ZFPM2: variants seen among roughly 807,000 people sequenced by gnomAD.
The protein encoded by ZFPM2 is zinc finger protein, FOG family member 2.
In ZFPM2, 20 loss-of-function variants were observed where a neutral mutation model predicts 98.6. That is an observed-to-expected ratio of 0.20 (90% CI 0.14 to 0.29). The LOEUF (loss-of-function observed/expected upper bound fraction) is 0.29. Ranked by LOEUF, ZFPM2 falls within the 10% of genes least tolerant of loss-of-function variation. The pLI, the probability that ZFPM2 is intolerant of heterozygous loss-of-function variation, is 1.00. For missense variants in ZFPM2, 1,310 were observed against 1,388.6 expected, an observed-to-expected ratio of 0.94 and a Z score of 0.90; for synonymous variants, 518 against 502.7, an observed-to-expected ratio of 1.03 and a Z score of -0.41.
At chr8:105,637,317 C>T (rs1417884056) in intron 5 of ZFPM2, among the ~76,000 whole-genome samples, 1 of 151,984 alleles carries the variant, frequency 6.6e-6, no homozygotes, top group Non-Finnish European at 1.5e-5. Context: ...CCCTAGAAAT[C>T]ACAAAATATA....
At chr8:105,755,915 G>GCTAT (rs1188955286) in intron 5 of ZFPM2, among the ~76,000 whole-genome samples, 3 of 152,098 alleles carry the variant, frequency 2.0e-5, no homozygotes, top group African/African-American at 7.2e-5. Context: ...ACATGATATG[G>GCTAT]CTATCTGTCT....
chr8:105,776,147 G>C (rs1368500126), intron 5 of ZFPM2, among the ~76,000 whole-genome samples: 1 of 152,040 alleles, frequency 6.6e-6, no homozygotes, highest in South Asian at 2.1e-4. Context: ...CTCTAGCGGG[G>C]ATCTGTTACA....
At chr8:105,701,529 T>A (rs1260627223) in intron 5 of ZFPM2, among the ~76,000 whole-genome samples, 1 of 152,208 alleles carries the variant, frequency 6.6e-6, no homozygotes, top group Non-Finnish European at 1.5e-5. Context: ...TGTCTTTAAA[T>A]CACAAAGGCT....
intron 3 of ZFPM2, among the ~76,000 whole-genome samples, chr8:105,486,857 G>A (rs1322596901): frequency 1.3e-5 from 2 of 152,180 alleles, no homozygotes; most frequent in African/African-American, 4.8e-5. Flanking sequence ...CAAGCCATAT[G>A]AGAAGTCTGA....
At chr8:105,526,545 T>A (rs1814178149) in intron 3 of ZFPM2, among the ~76,000 whole-genome samples, 1 of 152,214 alleles carries the variant, frequency 6.6e-6, no homozygotes, top group South Asian at 2.1e-4. Flanking sequence ...TTTGATTTTT[T>A]AAATTTTATA....
At chr8:105,412,344 G>A (rs868283562) in intron 1 of ZFPM2, among the ~76,000 whole-genome samples, 5 of 151,406 alleles carry the variant, frequency 3.3e-5, no homozygotes, top group African/African-American at 7.3e-5. Flanking sequence ...TAAACTTAAC[G>A]AAATTCAGGT....
intron 1 of ZFPM2, among the ~76,000 whole-genome samples, chr8:105,320,307 T>A (rs1433820702): frequency 6.7e-6 from 1 of 149,308 alleles, no homozygotes; most frequent in Non-Finnish European, 1.5e-5. Context: ...TGTCTGCTAC[T>A]TAAACATGAC....
chr8:105,379,502 C>T (rs111691614), intron 1 of ZFPM2, among the ~76,000 whole-genome samples: 12,412 of 152,042 alleles, frequency 0.082, 1,684 homozygotes, highest in African/African-American at 0.28. Context: ...GCCTGTAATC[C>T]CAGCACTTTG....
intron 5 of ZFPM2, among the ~76,000 whole-genome samples, chr8:105,779,132 T>C (rs1253198137): frequency 6.6e-6 from 1 of 152,160 alleles, no homozygotes; most frequent in African/African-American, 2.4e-5. Flanking sequence ...TTTGTATTGT[T>C]AGTGAGGATG....
At chr8:105,412,642 G>GT (rs1254152387) in intron 1 of ZFPM2, among the ~76,000 whole-genome samples, 5 of 151,470 alleles carry the variant, frequency 3.3e-5, no homozygotes, top group African/African-American at 1.2e-4. Context: ...TTAAAAGTGA[G>GT]TGACTGCAGG....
At chr8:105,720,367 G>T (rs563664334) in intron 5 of ZFPM2, among the ~76,000 whole-genome samples, 1 of 151,882 alleles carries the variant, frequency 6.6e-6, no homozygotes, top group South Asian at 2.1e-4. Flanking sequence ...GAAATATGAT[G>T]AATTCCCTTG....
chr8:105,589,742 G>A lies in ZFPM2; in HGVS notation c.420+28261G>A, dbSNP rs376241978. Among the ~76,000 whole-genome samples, 5 of 151,602 alleles carry A rather than the reference G, an allele frequency of 3.3e-5. 1 individual carries two copies. The highest frequency in any genetic ancestry group is 6.6e-5 in the Admixed American group (1 of 15,232). On this transcript the variant is annotated intron_variant, in intron 4 of 7. Transcript: ENST00000407775. The stretch of plus-strand genomic sequence containing the variant: ...TTAACTCATGTTCTTTTTTTGAAAC[G>A]GAGTCTTGCTCTGTTGCCCAGGCTG...
intron 1 of ZFPM2, among the ~76,000 whole-genome samples, chr8:105,407,711 T>TC (rs1358027913): frequency 1.3e-5 from 2 of 151,974 alleles, no homozygotes; most frequent in Non-Finnish European, 2.9e-5. Flanking sequence ...TTCTGGGTCT[T>TC]CATTAAGTAG....
At chr8:105,410,283 ATT>A (rs1811550013) in intron 1 of ZFPM2, among the ~76,000 whole-genome samples, 2 of 151,892 alleles carry the variant, frequency 1.3e-5, no homozygotes, top group African/African-American at 4.8e-5. Context: ...ATGTAACTGT[ATT>A]GTTACACATG....
chr8:105,534,020 T>C (rs866578041), intron 3 of ZFPM2, among the ~76,000 whole-genome samples: 469 of 14,414 alleles, frequency 0.033, 14 homozygotes, highest in African/African-American at 0.056. Context: ...TCCTCCCTTC[T>C]TCCCTTCCTC....
chr8:105,347,503 C>T (rs1209621505), intron 1 of ZFPM2, among the ~76,000 whole-genome samples: 2 of 152,040 alleles, frequency 1.3e-5, no homozygotes, highest in African/African-American at 4.8e-5. Context: ...CTCTGTTCCT[C>T]CTGACACCAA....
intron 4 of ZFPM2, among the ~76,000 whole-genome samples, chr8:105,623,814 C>G (rs1816601676): frequency 6.6e-6 from 1 of 152,138 alleles, no homozygotes; most frequent in South Asian, 2.1e-4. Flanking sequence ...GTTAGATACT[C>G]CTTTTATTCT....
intron 3 of ZFPM2, among the ~76,000 whole-genome samples, chr8:105,462,228 A>G (rs377554763): frequency 3.4e-4 from 52 of 152,180 alleles, no homozygotes; most frequent in Middle Eastern, 3.4e-3. Context: ...CCATTCATCA[A>G]GCACCCTGGC....
At position 105,562,354 on chromosome 8, in the gene ZFPM2, A is replaced by G. The variant is rs1408928609; in HGVS notation, c.420+873A>G. Among the ~76,000 whole-genome samples the G allele has an allele frequency of 3.5e-5, 5 of 143,740 alleles. No homozygotes were observed. The East Asian group carries it at 9.7e-4, about 28-fold the overall frequency. 94.3% of individuals were successfully genotyped at this position (143,740 alleles called of 152,430 possible). On this transcript the variant is annotated intron_variant, in intron 4 of 7. Coordinates refer to ENST00000407775, the MANE Select transcript of ZFPM2 (RefSeq NM_012082.4). ...TAAATAAATAAATAAATAAATAAAT[A>G]AATGGAAAGGTAGGTAGTTTGGTTA... is the stretch of plus-strand genomic sequence containing the variant.
Sources: allele counts gnomAD v4.1 joint callset (sites outside exome capture counted in the v4.1 genomes callset), GRCh38; gene constraint gnomAD v4.1.1; transcripts MANE v1.5; gene names NCBI Gene and HGNC (gene_info 2026-07-23, HGNC 2026-07-21).